Variants in GPHN observed in about 807,000 individuals in gnomAD.
The protein encoded by GPHN is gephyrin.
Under a neutral mutation model 95.5 loss-of-function variants are expected in GPHN, and 17 were observed. The ratio of observed to expected loss-of-function variants is 0.18; its 90% confidence interval spans 0.12 to 0.27. The LOEUF is 0.27. GPHN is among the 10% of genes least tolerant of loss of function. GPHN has a pLI of 1.00. For missense variants in GPHN, 660 were observed against 978.1 expected (o/e 0.67, Z 4.34); for synonymous variants, 320 against 322.5 (o/e 0.99, Z 0.08).
intron 1 of GPHN, among the ~76,000 whole-genome samples, chr14:66,640,673 C>T (rs1003355026): frequency 6.6e-6 from 1 of 152,104 alleles, no homozygotes; most frequent in Non-Finnish European, 1.5e-5. Flanking sequence ...GGATTTAATA[C>T]AGGCTTTCAA....
the GPHN span, among the ~76,000 whole-genome samples, chr14:67,293,704 G>A: frequency 3.2e-4 from 49 of 152,130 alleles, no homozygotes; most frequent in Non-Finnish European, 2.6e-4. Flanking sequence ...AGGAAAAGAC[G>A]AGTACCAATA....
intron 3 of GPHN, among the ~76,000 whole-genome samples, chr14:66,781,256 G>A (rs1245894454): frequency 1.4e-4 from 20 of 146,684 alleles, no homozygotes; most frequent in African/African-American, 2.8e-4. Context: ...AGTCTCTGTC[G>A]CCCGGGCTTG....
intron 9 of GPHN, among the ~76,000 whole-genome samples, chr14:66,981,495 A>G (rs191463797): frequency 2.0e-5 from 3 of 152,292 alleles, no homozygotes; most frequent in East Asian, 3.9e-4. Flanking sequence ...TCTCCAAATC[A>G]TAGCTACCAG....
the GPHN span, chr14:67,225,370 T>C: frequency 1.5e-6 from 1 of 682,776 alleles, no homozygotes; most frequent in Middle Eastern, 4.2e-4. Context: ...AATCTTATTC[T>C]ACTGTAGTAA....
intron 9 of GPHN, among the ~76,000 whole-genome samples, chr14:67,020,439 C>T (rs940512058): frequency 6.6e-6 from 1 of 152,050 alleles, no homozygotes; most frequent in Non-Finnish European, 1.5e-5. Context: ...AAAATTTCTT[C>T]GCTTTTTTTA....
intron 1 of GPHN, among the ~76,000 whole-genome samples, chr14:66,578,635 T>C (rs1432223491): frequency 4.2e-5 from 5 of 119,518 alleles, no homozygotes; most frequent in African/African-American, 1.7e-4. Context: ...ACAGAAACCC[T>C]GCAGGTCAGG....
the GPHN span, among the ~76,000 whole-genome samples, chr14:67,323,035 C>T: frequency 6.6e-6 from 1 of 152,046 alleles, no homozygotes; most frequent in African/African-American, 2.4e-5. Context: ...ATTCTAATTG[C>T]TCCAAAATTG....
In GPHN at chr14:66,681,166, C is replaced by A; in HGVS notation, c.124C>A (p.Leu42Ile). 6.3e-7 allele frequency: 1 copy of A among 1,588,986 alleles called. No homozygotes were observed. The highest frequency in any genetic ancestry group is 8.6e-7 in the Non-Finnish European group (1 of 1,158,610). The stretch of plus-strand genomic sequence containing the variant: ...CCGCAGTGGGATAAATCTCAAAGAT[C>A]TCGTACAAGATCCTTCTTTGTGAGT... ...EDRSGINLKDLVQDPSLLGGT... is the reference protein window; with the variant it reads ...EDRSGINLKDIVQDPSLLGGT... Residue 42 changes from leucine to isoleucine, a missense_variant, in exon 2 of 23, where the codon CTC becomes ATC. By Grantham distance (5) the Leu-to-Ile change is conservative. Around this residue, in one of 6 missense-constraint regions of GPHN, gnomAD observed 92 missense variants for 91.9 expected, o/e 1.00. Transcript: ENST00000478722.
chr14:67,615,875 A>G, the GPHN span: 1 of 613,280 alleles, frequency 1.6e-6, no homozygotes, highest in South Asian at 1.7e-5. Flanking sequence ...ACTGGGAGGG[A>G]TGTGGAATAA....
At chr14:67,173,781 A>G (rs946203940) in intron 21 of GPHN, among the ~76,000 whole-genome samples, 2 of 152,224 alleles carry the variant, frequency 1.3e-5, no homozygotes, top group African/African-American at 4.8e-5. Context: ...ATGAGATATA[A>G]TAAAAAATAT....
At chr14:66,868,349 A>G (rs147962875) in intron 4 of GPHN, among the ~76,000 whole-genome samples, 70 of 152,236 alleles carry the variant, frequency 4.6e-4, no homozygotes, top group African/African-American at 1.6e-3. Context: ...CAGAGTCACT[A>G]TGCATGTAAA....
the GPHN span, among the ~76,000 whole-genome samples, chr14:67,551,401 C>CTTTA: frequency 6.6e-6 from 1 of 152,178 alleles, no homozygotes; most frequent in African/African-American, 2.4e-5. Flanking sequence ...TGCACATGTA[C>CTTTA]TTTACATGGG....
intron 1 of GPHN, among the ~76,000 whole-genome samples, chr14:66,556,109 C>A (rs2059997243): frequency 1.3e-5 from 2 of 151,974 alleles, no homozygotes; most frequent in African/African-American, 4.8e-5. Context: ...TCTGAAGATT[C>A]TAAATATAGA....
At chr14:66,553,054 G>A (rs1031714647) in intron 1 of GPHN, among the ~76,000 whole-genome samples, 4 of 150,612 alleles carry the variant, frequency 2.7e-5, no homozygotes, top group East Asian at 1.9e-4. Flanking sequence ...GCAGTGGCAC[G>A]ATCTTGGCTC....
At chr14:67,512,718 G>A in the GPHN span, among the ~76,000 whole-genome samples, 5 of 151,980 alleles carry the variant, frequency 3.3e-5, no homozygotes, top group Admixed American at 1.3e-4. Context: ...CAACATCATC[G>A]GAGACCCTCC....
chr14:67,656,066 C>T, the GPHN span, among the ~76,000 whole-genome samples: 46 of 151,848 alleles, frequency 3.0e-4, 1 homozygote, highest in South Asian at 4.2e-4. Flanking sequence ...GCCAACATGG[C>T]GAAACCCCAT....
At chr14:66,771,243 A>G (rs867177124) in intron 2 of GPHN, among the ~76,000 whole-genome samples, 3 of 152,142 alleles carry the variant, frequency 2.0e-5, no homozygotes, top group Admixed American at 6.6e-5. Context: ...TGGACCTCCA[A>G]TTCTTTTTGA....
chr14:66,932,092 G>A (rs1567117750), intron 8 of GPHN, among the ~76,000 whole-genome samples: 1 of 152,202 alleles, frequency 6.6e-6, no homozygotes, highest in Non-Finnish European at 1.5e-5. Context: ...CTCTAGTAAT[G>A]CTGTGAGTCT....
At chr14:66,914,957 G>T (rs2153557626) in intron 5 of GPHN, among the ~76,000 whole-genome samples, 1 of 152,132 alleles carries the variant, frequency 6.6e-6, no homozygotes, top group Non-Finnish European at 1.5e-5. Flanking sequence ...ATATCATTAA[G>T]ATTAAAGGTC....
Sources: allele counts gnomAD v4.1 joint callset (sites outside exome capture counted in the v4.1 genomes callset), GRCh38; gene constraint gnomAD v4.1.1; regional missense constraint gnomAD v4.1.1; transcripts MANE v1.5; gene names NCBI Gene and HGNC (gene_info 2026-07-23, HGNC 2026-07-21).